The following MDGA2 variants were observed in gnomAD, a reference collection of about 807,000 sequenced individuals.
The protein encoded by MDGA2 is MAM domain-containing glycosylphosphatidylinositol anchor protein 2.
Under a neutral mutation model 117.8 loss-of-function variants are expected in MDGA2, and 40 were observed. The ratio of observed to expected loss-of-function variants is 0.34; its 90% CI spans 0.26 to 0.44. MDGA2 has a LOEUF of 0.44. Ranked by LOEUF, MDGA2 falls within the 20% of genes least tolerant of loss-of-function variation. The probability of loss-of-function intolerance (pLI) is 1.00; values close to 1 mark genes in which losing one functional copy is unlikely to be tolerated. For missense variants in MDGA2, 1,123 were observed against 1,250.6 expected (o/e 0.90, Z 1.54); for synonymous variants, 452 against 439.0 (o/e 1.03, Z -0.37).
intron 8 of MDGA2, among the ~76,000 whole-genome samples, chr14:47,004,393 T>C (rs1219041779): frequency 2.6e-5 from 4 of 151,812 alleles, no homozygotes; most frequent in Non-Finnish European, 5.9e-5. Flanking sequence ...TATCCACATA[T>C]ATATGGGTTT....
At chr14:47,561,571 T>C (rs1895817835) in intron 1 of MDGA2, among the ~76,000 whole-genome samples, 1 of 152,182 alleles carries the variant, frequency 6.6e-6, no homozygotes, top group Non-Finnish European at 1.5e-5. Context: ...TTTATGTACA[T>C]TGATTTTGTC....
intron 8 of MDGA2, among the ~76,000 whole-genome samples, chr14:47,018,181 G>A (rs186477179): frequency 4.0e-5 from 6 of 151,400 alleles, no homozygotes; most frequent in Non-Finnish European, 5.9e-5. Flanking sequence ...TTAAAGAAAC[G>A]CCTTTATTAG....
chr14:47,600,106 T>C lies in MDGA2; in HGVS notation c.280+74411A>G, dbSNP rs957221355. Among the ~76,000 whole-genome samples, 7 of 152,132 alleles carry C rather than the reference T, an allele frequency of 4.6e-5. No individual in the cohort carries two copies. The South Asian group carries it at 1.2e-3, about 27-fold the overall frequency. On this transcript the variant is annotated intron_variant, in intron 1 of 16. Coordinates refer to ENST00000399232, the MANE Select transcript of MDGA2 (RefSeq NM_001113498.3). ...CATTGAATTTTCTCTTCTATAATAT[T>C]GCATATGGGCCAGGCGCGGTGGCTC... is the stretch of plus-strand genomic sequence containing the variant.
At chr14:47,323,189 T>C (rs886834414) in intron 1 of MDGA2, among the ~76,000 whole-genome samples, 2 of 134,204 alleles carry the variant, frequency 1.5e-5, no homozygotes, top group African/African-American at 2.9e-5. Flanking sequence ...TATATATATA[T>C]ATATGGTATA....
intron 5 of MDGA2, among the ~76,000 whole-genome samples, chr14:47,131,385 A>G (rs955609781): frequency 1.4e-4 from 21 of 152,144 alleles, no homozygotes; most frequent in African/African-American, 5.1e-4. Flanking sequence ...AGCAACTTCA[A>G]TCACGAATTT....
chr14:47,159,444 T>C (rs1883541162), intron 3 of MDGA2, among the ~76,000 whole-genome samples: 1 of 152,230 alleles, frequency 6.6e-6, no homozygotes, highest in African/African-American at 2.4e-5. Context: ...TTTTCTAATT[T>C]AGTCAATCAT....
intron 1 of MDGA2, among the ~76,000 whole-genome samples, chr14:47,310,056 CAA>C (rs1319693122): frequency 2.6e-5 from 4 of 152,116 alleles, no homozygotes; most frequent in Admixed American, 2.0e-4. Context: ...CACAAAACAA[CAA>C]GTGTCCTATT....
chr14:47,062,389 G>T (rs777480870), intron 6 of MDGA2, among the ~76,000 whole-genome samples: 40 of 151,898 alleles, frequency 2.6e-4, no homozygotes, highest in Non-Finnish European at 4.9e-4. Flanking sequence ...TGCCAAGGGA[G>T]CATCTATAGA....
intron 1 of MDGA2, among the ~76,000 whole-genome samples, chr14:47,501,649 A>T (rs1219340961): frequency 6.6e-6 from 1 of 152,228 alleles, no homozygotes; most frequent in African/African-American, 2.4e-5. Context: ...GCCTTTATCC[A>T]GTATGACTGA....
At chr14:47,669,917 T>G (rs1898044316) in intron 1 of MDGA2, among the ~76,000 whole-genome samples, 1 of 152,160 alleles carries the variant, frequency 6.6e-6, no homozygotes, top group Non-Finnish European at 1.5e-5. Context: ...GGCAACATCC[T>G]GAGACTGAAT....
intron 1 of MDGA2, among the ~76,000 whole-genome samples, chr14:47,449,089 T>G (rs1893186609): frequency 6.6e-6 from 1 of 152,108 alleles, no homozygotes; most frequent in Non-Finnish European, 1.5e-5. Flanking sequence ...ACTTTAAAAT[T>G]AGATGAACAG....
chr14:47,481,822 A>T (rs1024111070), intron 1 of MDGA2, among the ~76,000 whole-genome samples: 1 of 152,032 alleles, frequency 6.6e-6, no homozygotes, highest in Non-Finnish European at 1.5e-5. Flanking sequence ...CTACAAAAAA[A>T]TGCAGTTTTC....
intron 1 of MDGA2, among the ~76,000 whole-genome samples, chr14:47,654,925 C>A (rs1048429097): frequency 6.6e-6 from 1 of 152,040 alleles, no homozygotes; most frequent in Non-Finnish European, 1.5e-5. Context: ...ATAAGAGAGG[C>A]ATTTTTGATG....
chr14:47,675,468 C>G lies in MDGA2; in HGVS notation c.-672G>C, dbSNP rs1452118505. Among the ~76,000 whole-genome samples, 2 of 152,022 alleles carry G rather than the reference C, an allele frequency of 1.3e-5. No individual in the cohort carries two copies. The highest frequency in any genetic ancestry group is 1.5e-5 in the Non-Finnish European group (1 of 67,996). On this transcript the variant is annotated 5_prime_UTR_variant, in exon 1 of 17. Coordinates refer to ENST00000399232, the MANE Select transcript of MDGA2 (RefSeq NM_001113498.3). ...TGCGTCTGGAGCTCGCTTGGGCACA[C>G]CAGCCCAGCCGCCACCGCCACCGCT...
chr14:47,148,580 A>T (rs1405037914), intron 3 of MDGA2, among the ~76,000 whole-genome samples: 10 of 152,232 alleles, frequency 6.6e-5, no homozygotes, highest in Admixed American at 6.5e-4. Flanking sequence ...TATCCAGGTC[A>T]ATCTGGATCC....
At chr14:47,552,643 TTTTC>T (rs1379137244) in intron 1 of MDGA2, among the ~76,000 whole-genome samples, 1 of 152,172 alleles carries the variant, frequency 6.6e-6, no homozygotes, top group Non-Finnish European at 1.5e-5. Context: ...TAACTGGTCT[TTTTC>T]TTTCTCTCTG....
chr14:47,386,205 A>C (rs1891753745), intron 1 of MDGA2, among the ~76,000 whole-genome samples: 1 of 152,032 alleles, frequency 6.6e-6, no homozygotes, highest in African/African-American at 2.4e-5. Flanking sequence ...TTGTTTGAAC[A>C]CGGAGGCGGA....
At chr14:47,613,762 A>T (rs1202098685) in intron 1 of MDGA2, among the ~76,000 whole-genome samples, 1 of 152,114 alleles carries the variant, frequency 6.6e-6, no homozygotes, top group Non-Finnish European at 1.5e-5. Flanking sequence ...CTGGTAAAAG[A>T]TTTCATGTGG....
chr14:47,088,208 T>A (rs991735500), intron 6 of MDGA2, among the ~76,000 whole-genome samples: 1 of 152,166 alleles, frequency 6.6e-6, no homozygotes, highest in African/African-American at 2.4e-5. Flanking sequence ...TGAGAACTAC[T>A]GAATGATAAT....
Sources: gnomAD v4.1 joint callset for allele counts (sites outside exome capture counted in the v4.1 genomes callset) on GRCh38, gnomAD v4.1.1 for gene constraint, MANE v1.5 for transcripts, NCBI Gene and HGNC (gene_info 2026-07-23, HGNC 2026-07-21) for gene names.